Variants in BRPF3 observed in about 807,000 individuals in gnomAD.
BRPF3 encodes bromodomain and PHD finger containing 3, also known as bromodomain and PHD finger-containing protein 3.
In BRPF3, 18 loss-of-function variants were observed where a neutral mutation model predicts 102.0. The observed-to-expected ratio is 0.18, with a 90% CI of 0.12 to 0.26. The LOEUF is 0.26. Among genes scored for constraint, BRPF3 ranks in the 10% least tolerant of loss-of-function variants. The pLI, the probability that BRPF3 is intolerant of heterozygous loss-of-function variation, is 1.00. For missense variants in BRPF3, 1,147 were observed against 1,567.8 expected, an observed-to-expected ratio of 0.73 and a Z score of 4.53; for synonymous variants, 570 against 614.2, an observed-to-expected ratio of 0.93 and a Z score of 1.06.
chr6:36,212,939 G>A (rs753211394), intron 7 of BRPF3, among the ~76,000 whole-genome samples: 6 of 151,334 alleles, frequency 4.0e-5, no homozygotes, highest in Non-Finnish European at 2.9e-5. Context: ...CGGCCTGGGC[G>A]ACAGAGCGAG....
rs1334899378 is a variant in BRPF3, at chr6:36,200,378, C to G, written c.56C>G (p.Ser19Cys). ...RQNAEGRRSP[S>C]PYSLKCSPTR... ...AATGCCGAGGGCCGGCGTTCCCCGT[C>G]CCCCTACAGTCTCAAGTGCTCACCC... Residue 19 changes from serine to cysteine, a missense_variant, in exon 2 of 13, where the codon TCC becomes TGC. By Grantham distance (112) the Ser-to-Cys change is moderately radical. Transcript: ENST00000357641. This position sits in a 1 kb window ranked among gnomAD's most constrained non-coding sequence, Gnocchi z 5.3. The G allele has an allele frequency of 3.7e-6, 6 of 1,614,226 alleles. No individual in the cohort carries two copies. Among genetic ancestry groups the G allele is most frequent in the Non-Finnish European group, 4.2e-6 (5 of 1,180,022 alleles).
chr6:36,232,739 ACTGT>A lies in BRPF3; in HGVS notation c.*2134_*2137del, dbSNP rs1156999550. 1.3e-5 allele frequency: 2 copies of A among 152,558 alleles called. No individual in the cohort carries two copies. The highest frequency in any genetic ancestry group is 2.9e-5 in the Non-Finnish European group (2 of 68,038). The allele number at this position is 152,558 out of a possible 1,614,324, so 9.5% of individuals were successfully genotyped here. Reference sequence around the variant, plus strand: ...AGTTAATTTTACCTACTATAATATGACTGTCTGAAACTTATTTTCTCTCTGAGAA... The same window carrying A: ...AGTTAATTTTACCTACTATAATATGACTGAAACTTATTTTCTCTCTGAGAA... On this transcript the variant is annotated 3_prime_UTR_variant, in exon 13 of 13. Coordinates refer to ENST00000357641, the MANE Select transcript of BRPF3 (RefSeq NM_015695.3).
chr6:36,202,413 C>A (rs751149589), intron 2 of BRPF3, among the ~76,000 whole-genome samples: 25 of 140,170 alleles, frequency 1.8e-4, no homozygotes, highest in East Asian at 4.2e-4. Flanking sequence ...TCTGTGGACC[C>A]CCCCCCCCTC....
chr6:36,209,041 A>G (rs112638792), intron 4 of BRPF3, among the ~76,000 whole-genome samples: 154 of 152,330 alleles, frequency 1.0e-3, no homozygotes, highest in African/African-American at 3.6e-3. Context: ...CCTTGGACTA[A>G]GTCAGACCTG....
At chr6:36,199,743 A>C (rs1767628606) in intron 1 of BRPF3, among the ~76,000 whole-genome samples, 1 of 152,212 alleles carries the variant, frequency 6.6e-6, no homozygotes, top group African/African-American at 2.4e-5. Flanking sequence ...CCCATGTTAC[A>C]CTGTAATAAT....
chr6:36,223,189 G>A (rs915755900), intron 10 of BRPF3, among the ~76,000 whole-genome samples: 3 of 152,134 alleles, frequency 2.0e-5, no homozygotes, highest in African/African-American at 7.2e-5. Flanking sequence ...TCTTTGAAGT[G>A]TCCATCTAAC....
chr6:36,211,256 A>G lies in BRPF3; in HGVS notation c.2180-2A>G. ...CCTTCTGTCCTCCCTTCTCCCTGGC[A>G]GTGGACAACATCCTCATCCCAGAGA... On this transcript the variant is annotated splice_acceptor_variant, in intron 6 of 12. Transcript: ENST00000357641. LOFTEE classifies it high-confidence loss of function. 6.2e-7 allele frequency: 1 copy of G among 1,612,220 alleles called. No homozygotes were observed. The highest frequency in any genetic ancestry group is 8.5e-7 in the Non-Finnish European group (1 of 1,178,710).
At chr6:36,202,143 G>A (rs978255100) in intron 2 of BRPF3, among the ~76,000 whole-genome samples, 5 of 152,064 alleles carry the variant, frequency 3.3e-5, no homozygotes, top group South Asian at 2.1e-4. Flanking sequence ...AATGCCAGTC[G>A]CATCCCCTCC....
At chr6:36,208,872 T>C (rs187421030) in intron 4 of BRPF3, among the ~76,000 whole-genome samples, 5 of 152,368 alleles carry the variant, frequency 3.3e-5, no homozygotes, top group Admixed American at 3.3e-4. Flanking sequence ...TTGTACAGCA[T>C]ACTACTGTAA....
intron 9 of BRPF3, among the ~76,000 whole-genome samples, chr6:36,219,977 A>G (rs951017590): frequency 1.3e-5 from 2 of 152,170 alleles, no homozygotes; most frequent in East Asian, 1.9e-4. Context: ...CTGAACACCT[A>G]CTGTATGCCA....
At chr6:36,225,838 C>G (rs1159778638) in intron 11 of BRPF3, among the ~76,000 whole-genome samples, 1 of 152,160 alleles carries the variant, frequency 6.6e-6, no homozygotes, top group East Asian at 1.9e-4. Flanking sequence ...AGCCTGTGTT[C>G]TGAGCCACTG....
intron 11 of BRPF3, among the ~76,000 whole-genome samples, chr6:36,226,207 C>T (rs6940960): frequency 0.01 from 1,556 of 152,288 alleles, 19 homozygotes; most frequent in African/African-American, 0.029. Context: ...TCTTAGGAGT[C>T]CCTTCTTGGG....
chr6:36,221,443 C>T (rs370349692), intron 9 of BRPF3, among the ~76,000 whole-genome samples: 3 of 151,948 alleles, frequency 2.0e-5, no homozygotes, highest in South Asian at 2.1e-4. Context: ...CGTGCCACCA[C>T]GGCCAGCTAA....
chr6:36,228,812 G>T, intron 11 of BRPF3, 90 bp from the exon 12 acceptor site: 3 of 1,456,220 alleles, frequency 2.1e-6, no homozygotes, highest in Non-Finnish European at 2.9e-6. Context: ...TACTCCCCTG[G>T]TGTGGGTGCT....
rs773365971 is a variant in BRPF3 at position 36,209,892 on chromosome 6, G to A, written c.1843G>A (p.Ala615Thr). The change falls in exon 5 of 13, where the codon GCA (alanine) becomes ACA (threonine). Residue 615 changes from alanine to threonine, a missense_variant. Ala to Thr is a moderately conservative substitution (Grantham distance 58). Around this residue, in one of 11 missense-constraint regions of BRPF3, gnomAD observed 44 missense variants for 38.6 expected, o/e 1.14. Transcript: ENST00000357641. Reference sequence around the variant, plus strand: ...GGAGAAGGATCCTGCACACATCTTCGCAGAACCAGTCAACTTGAGTGAGGC... The same window carrying A: ...GGAGAAGGATCCTGCACACATCTTCACAGAACCAGTCAACTTGAGTGAGGC... ...LQEKDPAHIF[A>T]EPVNLSEVPD... 1.7e-5 allele frequency: 28 copies of A among 1,614,064 alleles called. No individual in the cohort carries two copies. Among genetic ancestry groups the A allele is most frequent in the African/African-American group, 2.7e-5 (2 of 75,036 alleles).
chr6:36,230,694 G>T lies in BRPF3; in HGVS notation c.*85G>T. 1 of 1,461,414 alleles carries T rather than the reference G, an allele frequency of 6.8e-7. No individual in the cohort carries two copies. Among genetic ancestry groups the T allele is most frequent in the Non-Finnish European group, 9.2e-7 (1 of 1,083,874 alleles). 90.5% of individuals were successfully genotyped at this position (1,461,414 alleles called of 1,614,324 possible). A position where few individuals can be genotyped will look rare whatever the true frequency, so the allele number is the denominator to read the frequency against. ...CTCTTCTGCCCCTGCCAGATGTATG[G>T]CCGGCAGCTTCCCCCTCTCATGGTA... On this transcript the variant is annotated 3_prime_UTR_variant, in exon 13 of 13. Coordinates refer to ENST00000357641, the MANE Select transcript of BRPF3 (RefSeq NM_015695.3). This position sits in a 1 kb window ranked among gnomAD's most constrained non-coding sequence, Gnocchi z 5.4.
intron 8 of BRPF3, among the ~76,000 whole-genome samples, chr6:36,216,694 G>C (rs1298919956): frequency 6.6e-6 from 1 of 152,176 alleles, no homozygotes; most frequent in Non-Finnish European, 1.5e-5. Context: ...GCCCATCTCT[G>C]TACACCTCTT....
At chr6:36,202,437 G>A (rs539099363) in intron 2 of BRPF3, among the ~76,000 whole-genome samples, 100 of 116,150 alleles carry the variant, frequency 8.6e-4, no homozygotes, top group Admixed American at 6.0e-3. Flanking sequence ...CCCCGCCATT[G>A]AGTCTGTAGA....
chr6:36,216,173 TGG>T (rs928282864), intron 8 of BRPF3, among the ~76,000 whole-genome samples: 5 of 152,206 alleles, frequency 3.3e-5, no homozygotes, highest in Non-Finnish European at 7.3e-5. Context: ...ATTCTTAATA[TGG>T]GGTTTCTGAT....
Sources: allele counts gnomAD v4.1 joint callset (sites outside exome capture counted in the v4.1 genomes callset), GRCh38; gene constraint gnomAD v4.1.1; regional missense constraint gnomAD v4.1.1; non-coding constraint Gnocchi (gnomAD v3.1); transcripts MANE v1.5; gene names NCBI Gene and HGNC (gene_info 2026-07-23, HGNC 2026-07-21).